The following FAM171B variants were observed in gnomAD, a reference collection of about 807,000 sequenced individuals.
The protein encoded by FAM171B is protein FAM171B.
In FAM171B, 19 loss-of-function variants were observed where a neutral mutation model predicts 75.6. The observed-to-expected ratio is 0.25, with a 90% CI of 0.18 to 0.37. The LOEUF (loss-of-function observed/expected upper bound fraction) is 0.37. FAM171B is among the 10% of genes least tolerant of loss of function. The pLI, the probability that FAM171B is intolerant of heterozygous loss-of-function variation, is 1.00. For missense variants in FAM171B, 848 were observed against 982.4 expected (o/e 0.86, Z 1.83); for synonymous variants, 367 against 361.7 (o/e 1.01, Z -0.17).
Position 186,694,414 on chromosome 2 carries a change from A to G in FAM171B, c.238+3A>G. On this transcript the variant is annotated splice_donor_region_variant and intron_variant, in intron 1 of 7. Coordinates refer to ENST00000304698, the MANE Select transcript of FAM171B (RefSeq NM_177454.4). Reference sequence around the variant, plus strand: ...AACCTCCACCTTGACGGTTCCAGGTAGGTCCTGGCTGCCCAGCCCGGTCTT... The same window carrying G: ...AACCTCCACCTTGACGGTTCCAGGTGGGTCCTGGCTGCCCAGCCCGGTCTT... 6.2e-7 allele frequency: 1 copy of G among 1,609,534 alleles called. No individual in the cohort carries two copies. Among genetic ancestry groups the G allele is most frequent in the Non-Finnish European group, 8.5e-7 (1 of 1,177,390 alleles).
At chr2:186,704,341 A>T (rs1249919749) in intron 1 of FAM171B, among the ~76,000 whole-genome samples, 2 of 152,232 alleles carry the variant, frequency 1.3e-5, no homozygotes, top group African/African-American at 4.8e-5. Context: ...TAATTTTTTT[A>T]AAAAAACAGA....
intron 1 of FAM171B, among the ~76,000 whole-genome samples, chr2:186,727,031 A>G (rs1421197619): frequency 2.0e-5 from 3 of 151,430 alleles, no homozygotes; most frequent in Non-Finnish European, 4.4e-5. Flanking sequence ...CTCTCCCTTT[A>G]TTCCTTCTCT....
chr2:186,703,451 T>C (rs1689691758), intron 1 of FAM171B, among the ~76,000 whole-genome samples: 1 of 152,198 alleles, frequency 6.6e-6, no homozygotes, highest in African/African-American at 2.4e-5. Context: ...TAAAATTCCA[T>C]ATCCTTTGTC....
intron 1 of FAM171B, among the ~76,000 whole-genome samples, chr2:186,724,311 ATATAC>A (rs1689999431): frequency 6.6e-6 from 1 of 152,098 alleles, no homozygotes; most frequent in South Asian, 2.1e-4. Context: ...CAGGATCATG[ATATAC>A]ACACGATTTA....
Position 186,762,692 on chromosome 2 carries a change from A to G in FAM171B, c.2350A>G (p.Ser784Gly). The stretch of plus-strand genomic sequence containing the variant: ...TGGAGAAGAGTCGCCAGGAAGGAAA[A>G]GCACTGTTGAAGATTTTGAAGCTAA... ...HPGEESPGRK[S>G]TVEDFEANTS... The change falls in exon 8 of 8, where the codon AGC (serine) becomes GGC (glycine). Residue 784 changes from serine to glycine, a missense_variant. Ser to Gly is a moderately conservative substitution (Grantham distance 56, BLOSUM62 0). This residue lies in a region of FAM171B where 136 missense variants were observed against 159.3 expected (regional missense o/e 0.85). Transcript: ENST00000304698. The surrounding 1 kb of genome is among the most constrained non-coding windows in gnomAD (Gnocchi z 4.0). The G allele has an allele frequency of 1.2e-6, 2 of 1,613,172 alleles. No individual in the cohort carries two copies. Among genetic ancestry groups the G allele is most frequent in the Non-Finnish European group, 1.7e-6 (2 of 1,179,588 alleles).
intron 1 of FAM171B, among the ~76,000 whole-genome samples, chr2:186,722,365 A>G (rs1351274694): frequency 6.6e-6 from 1 of 152,174 alleles, no homozygotes; most frequent in Non-Finnish European, 1.5e-5. Context: ...CATTCTAAGA[A>G]AAGATTGATC....
chr2:186,703,074 TATAC>T (rs1357761182), intron 1 of FAM171B, among the ~76,000 whole-genome samples: 2 of 101,768 alleles, frequency 2.0e-5, no homozygotes, highest in Non-Finnish European at 4.1e-5. Context: ...TATATATATA[TATAC>T]ACACACACAC....
At chr2:186,750,205 G>A (rs992630057) in intron 4 of FAM171B, among the ~76,000 whole-genome samples, 4 of 152,010 alleles carry the variant, frequency 2.6e-5, no homozygotes, top group African/African-American at 9.7e-5. Flanking sequence ...ATCTGTAATA[G>A]TTTTATTCTT....
rs199713973 is a variant in FAM171B at position 186,762,141 on chromosome 2, C to T, written c.1799C>T (p.Ala600Val). The change falls in exon 8 of 8, where the codon GCC (alanine) becomes GTC (valine). Residue 600 changes from alanine to valine, a missense_variant. By Grantham distance (64) the Ala-to-Val change is moderately conservative. Coordinates refer to ENST00000304698, the MANE Select transcript of FAM171B (RefSeq NM_177454.4). The surrounding 1 kb of genome is among the most constrained non-coding windows in gnomAD (Gnocchi z 4.0). ...CATTCTCATGCACAGCCCCCAGATG[C>T]CAGGGAAGAGGATATCATACTTGAA... ...PIHSHAQPPD[A>V]REEDIILEGQ... 6.2e-7 allele frequency: 1 copy of T among 1,613,640 alleles called. No homozygotes were observed.
intron 1 of FAM171B, among the ~76,000 whole-genome samples, chr2:186,733,798 T>A (rs1027080665): frequency 1.3e-5 from 2 of 152,152 alleles, no homozygotes; most frequent in Non-Finnish European, 2.9e-5. Flanking sequence ...TCAAGTGGCT[T>A]CCGCTACAGG....
rs1690664389 is a variant in FAM171B, at chr2:186,764,125, A to AT, written c.*1307dup. The AT allele has an allele frequency of 6.6e-6, 1 of 151,926 alleles. No homozygotes were observed. 9.4% of individuals were successfully genotyped at this position (151,926 alleles called of 1,614,324 possible). ...TTATTCATTAAAATCAACTGATCCCATTTTTCTTAAAATTTCCCTGAAGGC... is the reference window on the plus strand; with the variant it reads ...TTATTCATTAAAATCAACTGATCCCATTTTTTCTTAAAATTTCCCTGAAGGC... On this transcript the variant is annotated 3_prime_UTR_variant, in exon 8 of 8. Coordinates refer to ENST00000304698, the MANE Select transcript of FAM171B (RefSeq NM_177454.4).
At chr2:186,757,234 C>T (rs1274715149) in intron 6 of FAM171B, among the ~76,000 whole-genome samples, 1 of 152,088 alleles carries the variant, frequency 6.6e-6, no homozygotes, top group Non-Finnish European at 1.5e-5. Context: ...CAAGTTAGAA[C>T]AAAAGATAAT....
At chr2:186,748,685 C>T (rs1690407476) in intron 4 of FAM171B, among the ~76,000 whole-genome samples, 1 of 152,196 alleles carries the variant, frequency 6.6e-6, no homozygotes, top group African/African-American at 2.4e-5. Flanking sequence ...TGTACTGGCT[C>T]CCTTCCTTCC....
chr2:186,738,606 C>A (rs1690239546), intron 1 of FAM171B, among the ~76,000 whole-genome samples: 1 of 152,086 alleles, frequency 6.6e-6, no homozygotes, highest in Non-Finnish European at 1.5e-5. Context: ...CCAGAACTGG[C>A]AGTTCAGTTT....
At chr2:186,761,089 CTT>C (rs748762809) in intron 6 of FAM171B, 22 bp from the exon 7 acceptor site, 1 of 1,580,426 alleles carries the variant, frequency 6.3e-7, no homozygotes, top group Non-Finnish European at 8.6e-7. Flanking sequence ...AACATTTTCT[CTT>C]TGTTTATATT....
chr2:186,736,862 G>A (rs1690210454), intron 1 of FAM171B, among the ~76,000 whole-genome samples: 1 of 151,906 alleles, frequency 6.6e-6, no homozygotes, highest in Non-Finnish European at 1.5e-5. Flanking sequence ...TATCTGATTT[G>A]CTGTTCTTGA....
At chr2:186,742,597 C>A (rs981346788) in intron 2 of FAM171B, among the ~76,000 whole-genome samples, 1 of 152,140 alleles carries the variant, frequency 6.6e-6, no homozygotes, top group East Asian at 1.9e-4. Flanking sequence ...TATTTCCATG[C>A]AACTGTGTTT....
chr2:186,740,726 G>A (rs1243205201), intron 2 of FAM171B, among the ~76,000 whole-genome samples: 2 of 152,080 alleles, frequency 1.3e-5, no homozygotes, highest in Non-Finnish European at 1.5e-5. Context: ...TAAGATCAAG[G>A]TGCCAGCAGA....
At chr2:186,752,915 C>T (rs187933995) in intron 5 of FAM171B, among the ~76,000 whole-genome samples, 1 of 152,004 alleles carries the variant, frequency 6.6e-6, no homozygotes, top group East Asian at 1.9e-4. Flanking sequence ...ATTCTTTTTT[C>T]TTTTGACAGC....
Sources: gnomAD v4.1 joint callset for allele counts (sites outside exome capture counted in the v4.1 genomes callset) on GRCh38, gnomAD v4.1.1 for gene constraint, gnomAD v4.1.1 regional missense constraint, Gnocchi (gnomAD v3.1) non-coding constraint, MANE v1.5 for transcripts, NCBI Gene and HGNC (gene_info 2026-07-23, HGNC 2026-07-21) for gene names.